LRRC56: variants seen among roughly 807,000 people sequenced by gnomAD.
LRRC56 encodes leucine-rich repeat-containing protein 56.
LRRC56 carries 41 observed loss-of-function variants against 47.8 expected under a neutral mutation model. The observed-to-expected ratio is 0.86, with a 90% CI of 0.67 to 1.11. LRRC56 has a LOEUF of 1.11. LRRC56 is among the 50% of genes most tolerant of loss of function. The pLI is 0.00. For missense variants in LRRC56, 759 were observed against 704.2 expected (o/e 1.08, Z -0.88); for synonymous variants, 387 against 311.2 (o/e 1.24, Z -2.56).
the LRRC56 span, among the ~76,000 whole-genome samples, chr11:515,258 G>A: frequency 4.6e-5 from 7 of 152,198 alleles, no homozygotes; most frequent in Admixed American, 1.3e-4. Context: ...CATATCTGCC[G>A]AGAGCACAGC....
the LRRC56 span, among the ~76,000 whole-genome samples, chr11:511,137 C>A: frequency 1.3e-5 from 2 of 151,538 alleles, no homozygotes; most frequent in Middle Eastern, 6.8e-3. Context: ...CTGGCTAACA[C>A]GGTAAAACCG....
chr11:526,531 G>A, the LRRC56 span, among the ~76,000 whole-genome samples: 2 of 152,194 alleles, frequency 1.3e-5, no homozygotes, highest in Admixed American at 6.5e-5. Flanking sequence ...TCCTCGGGGG[G>A]CACGGTACAC....
At chr11:520,456 G>T in the LRRC56 span, among the ~76,000 whole-genome samples, 1 of 151,996 alleles carries the variant, frequency 6.6e-6, no homozygotes, top group African/African-American at 2.4e-5. Flanking sequence ...GAGTAGCTGG[G>T]ATTACGTGCG....
Position 541,259 on chromosome 11 carries a change from C to T in LRRC56, c.178-278C>T, listed in dbSNP as rs980206988. Among the ~76,000 whole-genome samples the T allele has an allele frequency of 1.3e-5, 2 of 152,166 alleles. No individual in the cohort carries two copies. Among genetic ancestry groups the T allele is most frequent in the East Asian group, 3.9e-4 (2 of 5,188 alleles). ...CCCGGCGCGGTCCGGGCTCTGGGTG[C>T]CGGGTGTGGTGTGTCTGCCCTGGGA... On this transcript the variant is annotated intron_variant, in intron 4 of 13. Coordinates refer to ENST00000270115, the MANE Select transcript of LRRC56 (RefSeq NM_198075.4). The surrounding 1 kb of genome is among the most constrained non-coding windows in gnomAD (Gnocchi z 4.1).
In LRRC56 at chr11:539,238, G is replaced by A. The variant is rs561157066; in HGVS notation, c.-158-342G>A. Reference sequence around the variant, plus strand: ...TGGGACTACAGGCGTCCGCCACCACGCCTGGCTAACTATGTTTTTTGTATC... The same window carrying A: ...TGGGACTACAGGCGTCCGCCACCACACCTGGCTAACTATGTTTTTTGTATC... On this transcript the variant is annotated intron_variant, in intron 2 of 13. Transcript: ENST00000270115. 2.2e-4 allele frequency among the ~76,000 whole-genome samples: 34 copies of A among 151,994 alleles called. No homozygotes were observed. In the South Asian group the frequency reaches 6.2e-3, roughly 28 times the overall value.
chr11:534,005 C>T (rs1851293271), upstream of LRRC56: 2 of 1,547,716 alleles, frequency 1.3e-6, no homozygotes, highest in Non-Finnish European at 1.8e-6. Flanking sequence ...GTTCACACAG[C>T]CAGCCTCTCC....
the LRRC56 span, among the ~76,000 whole-genome samples, chr11:519,276 G>C: frequency 0.12 from 13,658 of 113,310 alleles, 584 homozygotes; most frequent in Admixed American, 0.18. Flanking sequence ...TAGAACGCGG[G>C]CTGATACACA....
At chr11:544,617 G>C in intron 5 of LRRC56, 103 bp from the exon 6 acceptor site, 1 of 1,205,572 alleles carries the variant, frequency 8.3e-7, no homozygotes, top group Non-Finnish European at 1.2e-6. Context: ...GCTGGCCCAC[G>C]AGCAGTGAGG....
rs973660817 is a variant in LRRC56 at position 549,226 on chromosome 11, C to T, written c.327-676C>T. On this transcript the variant is annotated intron_variant, in intron 6 of 13. Coordinates refer to ENST00000270115, the MANE Select transcript of LRRC56 (RefSeq NM_198075.4). Reference sequence around the variant, plus strand: ...GAATCTGTGGCTCCTCAGGGAAAGCCTGTGAGCTCAGGTGGCCCTTTCACA... The same window carrying T: ...GAATCTGTGGCTCCTCAGGGAAAGCTTGTGAGCTCAGGTGGCCCTTTCACA... Among the ~76,000 whole-genome samples the T allele has an allele frequency of 3.3e-5, 5 of 152,342 alleles. 1 individual carries two copies. In the South Asian group the frequency reaches 1.0e-3, roughly 32 times the overall value.
chr11:507,489 G>A, the LRRC56 span, among the ~76,000 whole-genome samples: 1 of 152,166 alleles, frequency 6.6e-6, no homozygotes, highest in South Asian at 2.1e-4. Flanking sequence ...TCTGGCGGGC[G>A]CGGGCGCGTG....
chr11:552,605 A>C lies in LRRC56; in HGVS notation c.1218A>C (p.Glu406Asp). The change falls in exon 13 of 14, where the codon GAA (glutamate) becomes GAC (aspartate). Residue 406 changes from glutamate (E) to aspartate (D), a missense_variant. Transcript: ENST00000270115. ...LPYRHPESQQ[E>D]GAVAPWGPRR... ...ATAGGCACCCGGAGTCCCAACAGGAAGGGGCTGTAGCCCCCTGGGGCCCAC... is the reference window on the plus strand; with the variant it reads ...ATAGGCACCCGGAGTCCCAACAGGACGGGGCTGTAGCCCCCTGGGGCCCAC... The C allele has an allele frequency of 6.2e-7, 1 of 1,609,334 alleles. No homozygotes were observed. Among genetic ancestry groups the C allele is most frequent in the South Asian group, 1.1e-5 (1 of 90,756 alleles).
chr11:515,188 G>C, the LRRC56 span, among the ~76,000 whole-genome samples: 1 of 152,122 alleles, frequency 6.6e-6, no homozygotes, highest in African/African-American at 2.4e-5. Flanking sequence ...GGAGGGCATT[G>C]GTAGGGGACT....
At position 552,117 on chromosome 11, in the gene LRRC56, C is replaced by A; in HGVS notation, c.1066C>A (p.Gln356Lys). 1 of 1,612,310 alleles carries A rather than the reference C, an allele frequency of 6.2e-7. No homozygotes were observed. Among genetic ancestry groups the A allele is most frequent in the Non-Finnish European group, 8.5e-7 (1 of 1,179,642 alleles). The change falls in exon 12 of 14, where the codon CAA becomes AAA. Residue 356 changes from glutamine to lysine, a missense_variant. Transcript: ENST00000270115. ...CAGGGAGCCCCCCGAGCAGCTGCCC[C>A]AACACAGGCCAGGAGATCCGGCCGC... ...QAREPPEQLP[Q>K]HRPGDPAAST...
upstream of LRRC56, chr11:533,584 C>CCATGGTCCTTCACGTCAAA: frequency 6.2e-7 from 1 of 1,613,888 alleles, no homozygotes; most frequent in South Asian, 1.1e-5. Context: ...GGCACGTCAT[C>CCATGGTCCTTCACGTCAAA]CGAGTCCTTC....
intron 6 of LRRC56, among the ~76,000 whole-genome samples, chr11:545,117 T>C (rs1255406312): frequency 6.6e-6 from 1 of 152,182 alleles, no homozygotes; most frequent in Non-Finnish European, 1.5e-5. Flanking sequence ...TACCCCCACT[T>C]GCCGTGTGAC....
chr11:508,293 G>T, the LRRC56 span, among the ~76,000 whole-genome samples: 5 of 152,174 alleles, frequency 3.3e-5, no homozygotes, highest in Admixed American at 3.3e-4. Context: ...AGCCTCCCAA[G>T]TAGCTGGTAC....
chr11:528,106 G>A, the LRRC56 span, among the ~76,000 whole-genome samples: 6 of 152,224 alleles, frequency 3.9e-5, no homozygotes, highest in African/African-American at 7.2e-5. Context: ...AAAGTGCTGG[G>A]ATTACAGGCT....
In LRRC56 at chr11:553,955, C is replaced by T. The variant is rs145649907; in HGVS notation, c.1316-8C>T. On this transcript the variant is annotated splice_region_variant and splice_polypyrimidine_tract_variant and intron_variant, in intron 13 of 13. Coordinates refer to ENST00000270115, the MANE Select transcript of LRRC56 (RefSeq NM_198075.4). ...TTCTGACGTCCCATCACTCTGCTTG[C>T]TTTCTAGAGCCCTCCGGGACCTCGA... The T allele has an allele frequency of 2.6e-4, 424 of 1,608,182 alleles. 2 individuals carry two copies. In the African/African-American group the frequency reaches 4.9e-3, roughly 19 times the overall value.
chr11:521,777 T>G, the LRRC56 span, among the ~76,000 whole-genome samples: 1 of 151,850 alleles, frequency 6.6e-6, no homozygotes, highest in African/African-American at 2.4e-5. Context: ...TAGCTGGACG[T>G]GGTGGCGAGC....
Sources: gnomAD v4.1 joint callset for allele counts (sites outside exome capture counted in the v4.1 genomes callset) on GRCh38, gnomAD v4.1.1 for gene constraint, Gnocchi (gnomAD v3.1) non-coding constraint, MANE v1.5 for transcripts, NCBI Gene and HGNC (gene_info 2026-07-23, HGNC 2026-07-21) for gene names.